Variants in KCNA4 observed in about 807,000 individuals in gnomAD.
KCNA4 encodes the protein cardiac potassium channel.
Under a neutral mutation model 37.2 loss-of-function variants are expected in KCNA4, and 5 were observed. The ratio of observed to expected loss-of-function variants is 0.13; its 90% CI spans 0.07 to 0.28. KCNA4 has a LOEUF of 0.28. Ranked by LOEUF, KCNA4 falls within the 10% of genes least tolerant of loss-of-function variation. The pLI, the probability that KCNA4 is intolerant of heterozygous loss-of-function variation, is 1.00. For missense variants in KCNA4, 634 were observed against 817.4 expected, an observed-to-expected ratio of 0.78 and a Z score of 2.74; for synonymous variants, 350 against 311.8, an observed-to-expected ratio of 1.12 and a Z score of -1.29.
intron 1 of KCNA4, among the ~76,000 whole-genome samples, chr11:30,015,263 T>C (rs1318151372): frequency 6.6e-6 from 1 of 152,184 alleles, no homozygotes; most frequent in African/African-American, 2.4e-5. Context: ...ACATTCGCAG[T>C]GGAGTGTCAG....
Position 30,011,039 on chromosome 11 carries a change from G to A in KCNA4, c.1640C>T (p.Ala547Val), listed in dbSNP as rs771159881. Residue 547 changes from alanine to valine, a missense_variant, in exon 2 of 2, where the codon GCG becomes GTG. This residue lies in a region of KCNA4 where 15 missense variants were observed against 27.3 expected (regional missense o/e 0.55). Coordinates refer to ENST00000328224, the MANE Select transcript of KCNA4 (RefSeq NM_002233.4). This position sits in a 1 kb window ranked among gnomAD's most constrained non-coding sequence, Gnocchi z 5.6. ...TGGCAAAGCAATGGTTAAGACACCC[G>A]CAATGGCACACAGGGACCCGACAAT... The part of the protein sequence containing the change: ...GKIVGSLCAI[A>V]GVLTIALPVP... The A allele has an allele frequency of 3.7e-6, 6 of 1,614,150 alleles. No homozygotes were observed. The highest frequency in any genetic ancestry group is 2.2e-5 in the South Asian group (2 of 91,074).
chr11:30,010,687 A>AG lies in KCNA4; in HGVS notation c.*29dup. On this transcript the variant is annotated 3_prime_UTR_variant, in exon 2 of 2. Transcript: ENST00000328224. ...TGCATAAATATATTTGGAGATGCTG[A>AG]GGGGGGAGCAGTGGCAGGTGGAAAA... 2 of 1,562,676 alleles carry AG rather than the reference A, an allele frequency of 1.3e-6. No homozygotes were observed. Among genetic ancestry groups the AG allele is most frequent in the Non-Finnish European group, 1.7e-6 (2 of 1,158,316 alleles).
At position 30,012,025 on chromosome 11, in the gene KCNA4, C is replaced by T. The variant is rs1850308404; in HGVS notation, c.654G>A (p.Glu218=). 1 of 1,614,012 alleles carries T rather than the reference C, an allele frequency of 6.2e-7. No homozygotes were observed. The highest frequency in any genetic ancestry group is 1.1e-5 in the South Asian group (1 of 91,076). The part of the protein sequence containing the change: ...RTQYFDPLRN[E]YFFDRNRPSF... ...TGGGGCGGTTCCTGTCAAAAAAATA[C>T]TCATTGCGCAAAGGGTCAAAGTACT... is the stretch of plus-strand genomic sequence containing the variant. Residue 218 remains glutamate (E), a synonymous_variant, in exon 2 of 2, where the codon GAG becomes GAA. Transcript: ENST00000328224.
At chr11:30,013,617 G>A (rs1347953020) in intron 1 of KCNA4, among the ~76,000 whole-genome samples, 157 bp from the exon 2 acceptor site, 1 of 152,184 alleles carries the variant, frequency 6.6e-6, no homozygotes, top group Non-Finnish European at 1.5e-5. Flanking sequence ...GTATGGGGCA[G>A]GCTATTCTCA....
chr11:30,011,922 T>C lies in KCNA4; in HGVS notation c.757A>G (p.Thr253Ala). ...RPVNVPFDIF[T>A]EEVKFYQLGE... is the part of the protein sequence containing the mutation. ...AACTGATAGAACTTCACCTCCTCAG[T>C]GAAGATATCAAAGGGGACATTGACT... The change falls in exon 2 of 2, where the codon ACT (threonine) becomes GCT (alanine). Residue 253 changes from threonine to alanine, a missense_variant. Coordinates refer to ENST00000328224, the MANE Select transcript of KCNA4 (RefSeq NM_002233.4). This position sits in a 1 kb window ranked among gnomAD's most constrained non-coding sequence, Gnocchi z 5.6. 3 of 1,614,074 alleles carry C rather than the reference T, an allele frequency of 1.9e-6. No individual in the cohort carries two copies. The African/African-American group carries it at 4.0e-5, about 22-fold the overall frequency.
In KCNA4 at chr11:30,013,107, G is replaced by T. The variant is rs1337869723; in HGVS notation, c.-429C>A. The T allele has an allele frequency of 1.6e-4, 27 of 172,460 alleles. No homozygotes were observed. The allele number at this position is 172,460 out of a possible 1,614,324, so 10.7% of individuals were successfully genotyped here. The stretch of plus-strand genomic sequence containing the variant: ...AAATGAAATATATTTTTCTGCCATG[G>T]AAATTGGCCAATGCTCAGTCCATTA... On this transcript the variant is annotated 5_prime_UTR_variant, in exon 2 of 2. Transcript: ENST00000328224.
chr11:30,012,167 T>A lies in KCNA4; in HGVS notation c.512A>T (p.Tyr171Phe), dbSNP rs779502105. 8 of 1,614,194 alleles carry A rather than the reference T, an allele frequency of 5.0e-6. No individual in the cohort carries two copies. Among genetic ancestry groups the A allele is most frequent in the Non-Finnish European group, 6.8e-6 (8 of 1,180,016 alleles). ...CACCACACGTTCACAACAGTCACTG[T>A]AGCGGACTGAACTGTAGCCGCCACC... Reference protein sequence around the residue: ...EGGGGYSSVRYSDCCERVVIN... With the variant: ...EGGGGYSSVRFSDCCERVVIN... Residue 171 changes from tyrosine (Y) to phenylalanine (F), a missense_variant, in exon 2 of 2, where the codon TAC (tyrosine) becomes TTC (phenylalanine). Physicochemically the swap from Tyr to Phe is conservative, Grantham distance 22 (BLOSUM62 3). Transcript: ENST00000328224.
Position 30,011,215 on chromosome 11 carries a change from C to T in KCNA4, c.1464G>A (p.Gly488=). ...LGLLIFFLFI[G]VILFSSAVYF... ...ACACAGCACTAGAAAAGAGGATGAC[C>T]CCAATGAAGAGGAAGAAGATCAGAA... The change falls in exon 2 of 2, where the codon GGG becomes GGA. Residue 488 remains glycine (G), a synonymous_variant. Transcript: ENST00000328224. The surrounding 1 kb of genome is among the most constrained non-coding windows in gnomAD (Gnocchi z 5.6). 1.2e-6 allele frequency: 2 copies of T among 1,614,056 alleles called. No individual in the cohort carries two copies. The highest frequency in any genetic ancestry group is 1.7e-6 in the Non-Finnish European group (2 of 1,180,008).
Position 30,012,149 on chromosome 11 carries a change from C to G in KCNA4, c.530G>C (p.Arg177Pro). The change falls in exon 2 of 2, where the codon CGT (arginine) becomes CCT (proline). Residue 177 changes from arginine to proline, a missense_variant. Arg to Pro is a moderately radical substitution (Grantham distance 103, BLOSUM62 -2). This residue lies in a region of KCNA4 where 252 missense variants were observed against 344.2 expected (regional missense o/e 0.73). Coordinates refer to ENST00000328224, the MANE Select transcript of KCNA4 (RefSeq NM_002233.4). ...TAGGCCTGACACATTTATCACCACA[C>G]GTTCACAACAGTCACTGTAGCGGAC... ...SSVRYSDCCERVVINVSGLRF... is the reference protein window; with the variant it reads ...SSVRYSDCCEPVVINVSGLRF... The G allele has an allele frequency of 6.2e-7, 1 of 1,614,190 alleles. No individual in the cohort carries two copies.
intron 1 of KCNA4, among the ~76,000 whole-genome samples, chr11:30,014,836 G>A (rs1850337257): frequency 6.6e-6 from 1 of 152,116 alleles, no homozygotes; most frequent in African/African-American, 2.4e-5. Flanking sequence ...CAGAGAACTG[G>A]AGAGAATGAT....
rs1230891930 is a variant in KCNA4 at position 30,011,161 on chromosome 11, G to C, written c.1518C>G (p.Thr506=). Residue 506 remains threonine (T), a synonymous_variant, in exon 2 of 2, where the codon ACC becomes ACG. Coordinates refer to ENST00000328224, the MANE Select transcript of KCNA4 (RefSeq NM_002233.4). This position sits in a 1 kb window ranked among gnomAD's most constrained non-coding sequence, Gnocchi z 5.6. The part of the protein sequence containing the change: ...VYFAEADEPT[T]HFQSIPDAFW... ...ATGCATCTGGGATGCTTTGGAAATG[G>C]GTAGTAGGTTCATCCGCCTCTGCAA... 14 of 1,614,014 alleles carry C rather than the reference G, an allele frequency of 8.7e-6. No homozygotes were observed. In the African/African-American group the frequency reaches 1.3e-4, roughly 15 times the overall value.
Position 30,012,942 on chromosome 11 carries a change from C to T in KCNA4, c.-264G>A. The T allele has an allele frequency of 5.2e-6, 2 of 384,718 alleles. No individual in the cohort carries two copies. Among genetic ancestry groups the T allele is most frequent in the Non-Finnish European group, 9.4e-6 (2 of 211,882 alleles). The allele number at this position is 384,718 out of a possible 1,614,324, so 23.8% of individuals were successfully genotyped here. ...CCTGGCACTCTCAAGACTAAGAAGTCCGAAAATGCTGGAGTCTCTCAGACA... is the reference window on the plus strand; with the variant it reads ...CCTGGCACTCTCAAGACTAAGAAGTTCGAAAATGCTGGAGTCTCTCAGACA... On this transcript the variant is annotated 5_prime_UTR_variant, in exon 2 of 2. Coordinates refer to ENST00000328224, the MANE Select transcript of KCNA4 (RefSeq NM_002233.4).
intron 1 of KCNA4, among the ~76,000 whole-genome samples, chr11:30,014,163 T>C (rs1850331197): frequency 6.6e-6 from 1 of 152,098 alleles, no homozygotes; most frequent in Non-Finnish European, 1.5e-5. Context: ...CCTATGTTTT[T>C]ATTGTCTATC....
In KCNA4 at chr11:30,012,283, TTCC is replaced by T. The variant is rs771147151; in HGVS notation, c.393_395del (p.Glu137del). ...AAAACCTTCCCTCCTCTTCCTCCTC[TTCC>T]TCCTCCTCCTCATCTTCCTCCTCCT... On this transcript the variant is annotated inframe_deletion, in exon 2 of 2. Coordinates refer to ENST00000328224, the MANE Select transcript of KCNA4 (RefSeq NM_002233.4). 215 of 1,613,620 alleles carry T rather than the reference TTCC, an allele frequency of 1.3e-4. No individual in the cohort carries two copies. Among genetic ancestry groups the T allele is most frequent in the East Asian group, 4.5e-4 (20 of 44,874 alleles).
chr11:30,010,899 G>C lies in KCNA4; in HGVS notation c.1780C>G (p.Leu594Val). ...VSCPYLPSNL[L>V]KKFRSSTSSS... ...GAAGTAGAGCTCCGAAATTTCTTGA[G>C]CAAATTAGAGGGGAGGTATGGACAA... Residue 594 changes from leucine (L) to valine (V), a missense_variant, in exon 2 of 2, where the codon CTC becomes GTC. Physicochemically the swap from Leu to Val is conservative, Grantham distance 32 (BLOSUM62 1). Coordinates refer to ENST00000328224, the MANE Select transcript of KCNA4 (RefSeq NM_002233.4). 1 of 1,614,184 alleles carries C rather than the reference G, an allele frequency of 6.2e-7. No homozygotes were observed. The highest frequency in any genetic ancestry group is 8.5e-7 in the Non-Finnish European group (1 of 1,180,038).
chr11:30,017,009 C>T lies in KCNA4; in HGVS notation c.-1220G>A, dbSNP rs1484881589. ...CTGGCTGCGGGAGCAGCACACGCCT[C>T]CCCTGGCCGCGAACGCGCTCTGGGC... On this transcript the variant is annotated 5_prime_UTR_variant, in exon 1 of 2. Coordinates refer to ENST00000328224, the MANE Select transcript of KCNA4 (RefSeq NM_002233.4). The T allele has an allele frequency of 2.5e-6, 1 of 398,096 alleles. No homozygotes were observed. Among genetic ancestry groups the T allele is most frequent in the African/African-American group, 2.1e-5 (1 of 48,598 alleles). 24.7% of individuals were successfully genotyped at this position (398,096 alleles called of 1,614,324 possible).
intron 1 of KCNA4, among the ~76,000 whole-genome samples, chr11:30,015,338 A>T (rs766292614): frequency 9.2e-5 from 14 of 151,940 alleles, no homozygotes; most frequent in Non-Finnish European, 2.1e-4. Context: ...TTCTTCCCCA[A>T]CTCCCCTAAA....
At position 30,011,561 on chromosome 11, in the gene KCNA4, A is replaced by G; in HGVS notation, c.1118T>C (p.Ile373Thr). Residue 373 changes from isoleucine to threonine, a missense_variant, in exon 2 of 2, where the codon ATC (isoleucine) becomes ACC (threonine). Physicochemically the swap from Ile to Thr is moderately conservative, Grantham distance 89 (BLOSUM62 -1). Around this residue, in one of 8 missense-constraint regions of KCNA4, gnomAD observed 252 missense variants for 344.2 expected, o/e 0.73. Transcript: ENST00000328224. The surrounding 1 kb of genome is among the most constrained non-coding windows in gnomAD (Gnocchi z 5.6). Reference protein sequence around the residue: ...GHTIFNDPFFIVETVCIVWFS... With the variant: ...GHTIFNDPFFTVETVCIVWFS... ...CCATACAATACAGACTGTTTCCACG[A>G]TGAAGAAGGGGTCATTGAATATTGT... 6.2e-7 allele frequency: 1 copy of G among 1,614,144 alleles called. No individual in the cohort carries two copies. Among genetic ancestry groups the G allele is most frequent in the Non-Finnish European group, 8.5e-7 (1 of 1,180,016 alleles).
chr11:30,015,681 G>A (rs933225542), intron 1 of KCNA4, among the ~76,000 whole-genome samples: 1 of 152,070 alleles, frequency 6.6e-6, no homozygotes, highest in African/African-American at 2.4e-5. Context: ...GAAAAGAAGA[G>A]AAAAGAAAAA....
Sources: allele counts gnomAD v4.1 joint callset (sites outside exome capture counted in the v4.1 genomes callset), GRCh38; gene constraint gnomAD v4.1.1; regional missense constraint gnomAD v4.1.1; non-coding constraint Gnocchi (gnomAD v3.1); transcripts MANE v1.5; gene names NCBI Gene and HGNC (gene_info 2026-07-23, HGNC 2026-07-21).